Variants in STIP1 observed in about 807,000 individuals in gnomAD.
STIP1 encodes stress-induced-phosphoprotein 1.
A neutral mutation model predicts 77.4 loss-of-function variants in STIP1; 16 were observed. The observed-to-expected ratio is 0.21, with a 90% confidence interval of 0.14 to 0.31. The LOEUF (loss-of-function observed/expected upper bound fraction) is 0.31, where lower values mean the gene tolerates loss of function less well. STIP1 is among the 10% of genes least tolerant of loss of function. The probability of loss-of-function intolerance (pLI) is 1.00; values close to 1 mark genes in which losing one functional copy is unlikely to be tolerated. For synonymous variants in STIP1, 258 were observed against 246.6 expected, an observed-to-expected ratio of 1.05 and a Z score of -0.44; for missense variants, 524 against 684.8, an observed-to-expected ratio of 0.77 and a Z score of 2.62.
chr11:64,186,285 G>C lies in STIP1; in HGVS notation c.9+15G>C. ...CTATGGAGCAGGTGAAGGGGGAGGGGCGGGCTGAGGCCCCGAGCCTGCTCG... is the reference window on the plus strand; with the variant it reads ...CTATGGAGCAGGTGAAGGGGGAGGGCCGGGCTGAGGCCCCGAGCCTGCTCG... On this transcript the variant is annotated intron_variant, in intron 1 of 13. Coordinates refer to ENST00000305218, the MANE Select transcript of STIP1 (RefSeq NM_006819.3). 1 of 1,545,846 alleles carries C rather than the reference G, an allele frequency of 6.5e-7. No homozygotes were observed. The highest frequency in any genetic ancestry group is 8.7e-7 in the Non-Finnish European group (1 of 1,145,384).
chr11:64,200,751 T>C (rs1946210853), intron 10 of STIP1, among the ~76,000 whole-genome samples: 1 of 152,064 alleles, frequency 6.6e-6, no homozygotes, highest in Non-Finnish European at 1.5e-5. Context: ...TGTTTTTGCC[T>C]TTTTAACCAT....
chr11:64,198,020 T>C (rs552256023), intron 8 of STIP1, 46 bp downstream of exon 8: 2 of 1,573,746 alleles, frequency 1.3e-6, no homozygotes, highest in East Asian at 2.3e-5. Flanking sequence ...TCCTAATAAT[T>C]GAGCCATTGT....
Position 64,193,247 on chromosome 11 carries a change from A to T in STIP1, c.179A>T (p.Asp60Val). 6.2e-7 allele frequency: 1 copy of T among 1,614,182 alleles called. No homozygotes were observed. The highest frequency in any genetic ancestry group is 8.5e-7 in the Non-Finnish European group (1 of 1,180,032). ...KKGDYQKAYE[D>V]GCKTVDLKPD... Reference sequence around the variant, plus strand: ...GGAGACTACCAGAAGGCTTATGAGGATGGCTGCAAGACTGTCGACCTAAAG... The same window carrying T: ...GGAGACTACCAGAAGGCTTATGAGGTTGGCTGCAAGACTGTCGACCTAAAG... The change falls in exon 2 of 14, where the codon GAT becomes GTT. Residue 60 changes from aspartate (D) to valine (V), a missense_variant. Physicochemically the swap from Asp to Val is radical, Grantham distance 152. Coordinates refer to ENST00000305218, the MANE Select transcript of STIP1 (RefSeq NM_006819.3).
intron 1 of STIP1, 135 bp from the exon 2 acceptor site, chr11:64,192,943 A>G (rs929432229): frequency 2.4e-6 from 2 of 839,848 alleles, no homozygotes; most frequent in Non-Finnish European, 1.8e-6. Context: ...AAATAAATGA[A>G]CCGGTTTTCT....
chr11:64,195,664 A>G lies in STIP1; in HGVS notation c.523A>G (p.Ile175Val). 6.2e-7 allele frequency: 1 copy of G among 1,612,290 alleles called. No homozygotes were observed. Among genetic ancestry groups the G allele is most frequent in the South Asian group, 1.1e-5 (1 of 90,556 alleles). Residue 175 changes from isoleucine (I) to valine (V), a missense_variant, in exon 5 of 14, where the codon ATC becomes GTC. Ile to Val is a conservative substitution (Grantham distance 29). Coordinates refer to ENST00000305218, the MANE Select transcript of STIP1 (RefSeq NM_006819.3). ...TACTAGGAAACTACAAGATCCCCGGATCATGACCACTCTCAGCGTCCTCCT... is the reference window on the plus strand; with the variant it reads ...TACTAGGAAACTACAAGATCCCCGGGTCATGACCACTCTCAGCGTCCTCCT... ...DLGTKLQDPRIMTTLSVLLGV... is the reference protein window; with the variant it reads ...DLGTKLQDPRVMTTLSVLLGV...
chr11:64,202,388 C>G (rs1388220860), intron 10 of STIP1: 1 of 152,544 alleles, frequency 6.6e-6, no homozygotes, highest in African/African-American at 2.5e-5. Context: ...GGTGCAGCCA[C>G]CAGGCCAGCA....
chr11:64,195,515 C>T, intron 4 of STIP1, 130 bp from the exon 5 acceptor site: 3 of 882,004 alleles, frequency 3.4e-6, no homozygotes, highest in Non-Finnish European at 3.4e-6. Context: ...GGTGCAAAAT[C>T]TAGCCATCTT....
upstream of STIP1, chr11:64,185,924 A>G (rs1946007588): frequency 1.3e-6 from 2 of 1,536,250 alleles, no homozygotes; most frequent in African/African-American, 1.4e-5. Context: ...CAAAAGACCA[A>G]TCCGTGTCGC....
intron 10 of STIP1, among the ~76,000 whole-genome samples, chr11:64,201,486 C>G (rs1419280371): frequency 2.0e-5 from 3 of 152,134 alleles, no homozygotes; most frequent in Non-Finnish European, 4.4e-5. Flanking sequence ...CTGTGGAGTT[C>G]CCATAATCCT....
upstream of STIP1, chr11:64,185,653 C>T (rs749285725): frequency 5.5e-6 from 5 of 904,856 alleles, no homozygotes; most frequent in Non-Finnish European, 8.1e-6. Flanking sequence ...CCCAGAGGCC[C>T]CGCAGCCGCC....
At chr11:64,197,434 G>A in intron 6 of STIP1, 37 bp downstream of exon 6, 6 of 1,614,128 alleles carry the variant, frequency 3.7e-6, no homozygotes, top group Non-Finnish European at 5.1e-6. Context: ...GAATTGTTGG[G>A]TGTCTCTGAG....
At chr11:64,191,017 G>A (rs541213379) in intron 1 of STIP1, among the ~76,000 whole-genome samples, 4 of 151,710 alleles carry the variant, frequency 2.6e-5, no homozygotes, top group South Asian at 4.2e-4. Flanking sequence ...GAGAAACCCC[G>A]TCTCTACTAA....
At position 64,204,485 on chromosome 11, in the gene STIP1, C is replaced by G. The variant is rs1288283570; in HGVS notation, c.*359C>G. The G allele has an allele frequency of 1.0e-5, 3 of 290,910 alleles. No homozygotes were observed. The Admixed American group carries it at 1.5e-4, about 15-fold the overall frequency. 18.0% of individuals were successfully genotyped at this position (290,910 alleles called of 1,614,324 possible). Reference sequence around the variant, plus strand: ...TTCCAGCCTCAGGTCCCAGCTGTCTCACGTTGTTTATTCTGCGTCCCCTTC... The same window carrying G: ...TTCCAGCCTCAGGTCCCAGCTGTCTGACGTTGTTTATTCTGCGTCCCCTTC... On this transcript the variant is annotated 3_prime_UTR_variant, in exon 14 of 14. Coordinates refer to ENST00000305218, the MANE Select transcript of STIP1 (RefSeq NM_006819.3).
chr11:64,197,053 G>A, intron 5 of STIP1: 1 of 588,928 alleles, frequency 1.7e-6, no homozygotes, highest in South Asian at 2.1e-5. Flanking sequence ...GAGAGTAGGT[G>A]GAAAAGGGGG....
At chr11:64,194,901 G>A (rs1367674632) in intron 4 of STIP1, among the ~76,000 whole-genome samples, 1 of 152,008 alleles carries the variant, frequency 6.6e-6, no homozygotes, top group Admixed American at 6.6e-5. Context: ...CATCTACTTA[G>A]GCCCTACTTT....
At chr11:64,187,696 C>G (rs577361667) in intron 1 of STIP1, among the ~76,000 whole-genome samples, 1 of 152,156 alleles carries the variant, frequency 6.6e-6, no homozygotes, top group East Asian at 1.9e-4. Context: ...AGACGTTGCT[C>G]TTTTACCTTT....
At chr11:64,199,806 A>C (rs1471014813) in intron 8 of STIP1, 134 bp from the exon 9 acceptor site, 2 of 854,656 alleles carry the variant, frequency 2.3e-6, no homozygotes, top group Non-Finnish European at 1.8e-6. Flanking sequence ...CTCGTGATCC[A>C]CCCGCCTCGG....
Position 64,196,990 on chromosome 11 carries a change from G to A in STIP1, c.673-281G>A, listed in dbSNP as rs139633250. The stretch of plus-strand genomic sequence containing the variant: ...CTGTCCTCACCGGTTGCTTCAAGTC[G>A]AAGGGATTTCCTCTCCCCTAAAGAA... On this transcript the variant is annotated intron_variant, in intron 5 of 13. Transcript: ENST00000305218. 127 of 380,388 alleles carry A rather than the reference G, an allele frequency of 3.3e-4. No individual in the cohort carries two copies. The East Asian group carries it at 6.3e-3, about 19-fold the overall frequency. 23.6% of individuals were successfully genotyped at this position (380,388 alleles called of 1,614,324 possible). A position where few individuals can be genotyped will look rare whatever the true frequency, so the allele number is the denominator to read the frequency against.
rs772209340 is a variant in STIP1, at chr11:64,193,142, A to G, written c.74A>G (p.Gln25Arg). Residue 25 changes from glutamine to arginine, a missense_variant, in exon 2 of 14, where the codon CAG becomes CGG. Gln to Arg is a conservative substitution (Grantham distance 43). Transcript: ENST00000305218. ...GTGGGTAACATCGATGATGCCTTACAGTGCTACTCCGAAGCTATTAAGCTG... is the reference window on the plus strand; with the variant it reads ...GTGGGTAACATCGATGATGCCTTACGGTGCTACTCCGAAGCTATTAAGCTG... ...LSVGNIDDAL[Q>R]CYSEAIKLDP... 5 of 1,614,084 alleles carry G rather than the reference A, an allele frequency of 3.1e-6. No homozygotes were observed. The highest frequency in any genetic ancestry group is 2.7e-5 in the African/African-American group (2 of 74,926).
Sources: allele counts gnomAD v4.1 joint callset (sites outside exome capture counted in the v4.1 genomes callset), GRCh38; gene constraint gnomAD v4.1.1; transcripts MANE v1.5; gene names NCBI Gene and HGNC (gene_info 2026-07-23, HGNC 2026-07-21).